Variants in CEP120 observed in about 807,000 individuals in gnomAD.
The protein encoded by CEP120 is centrosomal protein 120.
In CEP120, 113 loss-of-function variants were observed where a neutral mutation model predicts 126.5. That is an observed-to-expected ratio of 0.89 (90% CI 0.77 to 1.04). The LOEUF (loss-of-function observed/expected upper bound fraction) is 1.04. Among genes scored for constraint, CEP120 ranks in the 50% least tolerant of loss-of-function variants. The pLI is 0.00. For missense variants in CEP120, 1,230 were observed against 1,155.7 expected (o/e 1.06, Z -0.93); for synonymous variants, 400 against 394.3 (o/e 1.01, Z -0.17).
chr5:123,416,247 A>G (rs1343138544), intron 2 of CEP120, 123 bp from the exon 3 acceptor site: 4 of 637,566 alleles, frequency 6.3e-6, no homozygotes, highest in Non-Finnish European at 1.1e-5. Flanking sequence ...ACTATTTTAC[A>G]TTGTCTAAAA....
chr5:123,406,134 T>C (rs1349259973), intron 4 of CEP120, among the ~76,000 whole-genome samples: 2 of 150,588 alleles, frequency 1.3e-5, no homozygotes, highest in East Asian at 2.0e-4. Context: ...AGTATGACAA[T>C]AGGAGTTTCC....
intron 4 of CEP120, chr5:123,403,780 C>T (rs1239563895): frequency 2.6e-6 from 1 of 381,802 alleles, no homozygotes; most frequent in African/African-American, 2.2e-5. Flanking sequence ...ATCAGACAAA[C>T]TCAAGTCATG....
chr5:123,401,532 C>T (rs1025537786), intron 4 of CEP120: 16 of 1,300,196 alleles, frequency 1.2e-5, no homozygotes, highest in African/African-American at 7.2e-5. Flanking sequence ...CTGCGGTTGG[C>T]GATCTCCTCG....
At chr5:123,399,530 T>C (rs568649537) in intron 4 of CEP120, among the ~76,000 whole-genome samples, 2 of 152,182 alleles carry the variant, frequency 1.3e-5, no homozygotes, top group South Asian at 2.1e-4. Flanking sequence ...ATAAACCACA[T>C]AGAAAAGGCA....
At chr5:123,355,646 A>C (rs935151456) in intron 18 of CEP120, among the ~76,000 whole-genome samples, 10 of 151,468 alleles carry the variant, frequency 6.6e-5, no homozygotes, top group South Asian at 2.1e-4. Context: ...TTTTTCTTGT[A>C]AATTTGTTTG....
At chr5:123,356,553 T>G (rs533529071) in intron 18 of CEP120, among the ~76,000 whole-genome samples, 87 of 152,258 alleles carry the variant, frequency 5.7e-4, no homozygotes, top group African/African-American at 1.9e-3. Context: ...TTCCATCTTA[T>G]GATTTTCTAT....
At chr5:123,419,553 CA>C (rs566909063) in intron 1 of CEP120, among the ~76,000 whole-genome samples, 36 of 135,258 alleles carry the variant, frequency 2.7e-4, no homozygotes, top group Admixed American at 3.0e-4. Flanking sequence ...AAAACAAAAA[CA>C]AAAAAAAAAA....
At chr5:123,423,633 A>T (rs192546940), upstream of CEP120, 198 of 152,942 alleles carry the variant, frequency 1.3e-3, 2 homozygotes, top group Admixed American at 2.3e-3. Flanking sequence ...GCGTGAGTGT[A>T]GCGTATTACC....
intron 8 of CEP120, among the ~76,000 whole-genome samples, chr5:123,389,681 G>A (rs1772259582): frequency 6.6e-6 from 1 of 152,070 alleles, no homozygotes; most frequent in Non-Finnish European, 1.5e-5. Flanking sequence ...TGTATTTTTA[G>A]TAGAGACGGG....
chr5:123,378,372 C>T lies in CEP120; in HGVS notation c.2160G>A (p.Glu720=), dbSNP rs891338561. The T allele has an allele frequency of 6.2e-7, 1 of 1,608,044 alleles. No homozygotes were observed. The highest frequency in any genetic ancestry group is 8.5e-7 in the Non-Finnish European group (1 of 1,177,638). Residue 720 remains glutamate, a synonymous_variant, in exon 15 of 20, where the codon GAG becomes GAA. Transcript: ENST00000306467. ...CACTAGCAAGCTGCTGCTCTCGCTT[C>T]TCCAAGTCAATTAGAGTTTTTTGAA... ...GKLQKTLIDL[E]KREQQLASVE... is the part of the protein sequence containing the mutation.
chr5:123,382,548 T>C (rs1026829933), intron 13 of CEP120, among the ~76,000 whole-genome samples, 189 bp downstream of exon 13: 1 of 152,104 alleles, frequency 6.6e-6, no homozygotes, highest in African/African-American at 2.4e-5. Flanking sequence ...GAATTCTGAG[T>C]GGCTTCTGCC....
rs1327675928 is a variant in CEP120 at position 123,350,091 on chromosome 5, T to C, written c.2581-2A>G. The C allele has an allele frequency of 6.2e-7, 1 of 1,604,996 alleles. No individual in the cohort carries two copies. On this transcript the variant is annotated splice_acceptor_variant, in intron 18 of 19. Coordinates refer to ENST00000306467, the MANE Select transcript of CEP120 (RefSeq NM_001375405.1). LOFTEE classifies it high-confidence loss of function. ...AGCCATTTGACTTTCTTGCTCCCTC[T>C]TGAAAGAAACAAAGAAACAAGTCAT... is the stretch of plus-strand genomic sequence containing the variant.
rs779530369 is a variant in CEP120, at chr5:123,388,642, C to T, written c.1256-36G>A. ...CATAAAATAAAACAAAATAATCACA[C>T]TTGCTAACAGTTTCTCTTAAATTGT... On this transcript the variant is annotated intron_variant, in intron 8 of 19. Coordinates refer to ENST00000306467, the MANE Select transcript of CEP120 (RefSeq NM_001375405.1). The T allele has an allele frequency of 1.4e-5, 21 of 1,462,778 alleles. No individual in the cohort carries two copies. The African/African-American group carries it at 2.7e-4, about 19-fold the overall frequency. The allele number at this position is 1,462,778 out of a possible 1,614,324, so 90.6% of individuals were successfully genotyped here.
At chr5:123,359,381 A>T (rs888798175) in intron 18 of CEP120, among the ~76,000 whole-genome samples, 3 of 152,094 alleles carry the variant, frequency 2.0e-5, no homozygotes, top group African/African-American at 7.2e-5. Context: ...TTTAAAAAGT[A>T]GGTTTTATTC....
Position 123,349,867 on chromosome 5 carries a change from A to T in CEP120, c.2726+77T>A, listed in dbSNP as rs1465564913. 5 of 1,166,800 alleles carry T rather than the reference A, an allele frequency of 4.3e-6. No homozygotes were observed. The South Asian group carries it at 5.7e-5, about 13-fold the overall frequency. 72.3% of individuals were successfully genotyped at this position (1,166,800 alleles called of 1,614,324 possible). ...TATATTTTTATATATGATCTACTTT[A>T]TCCTTGGGAGACCTCAAGTTGTACC... On this transcript the variant is annotated intron_variant, in intron 19 of 19. Coordinates refer to ENST00000306467, the MANE Select transcript of CEP120 (RefSeq NM_001375405.1).
intron 18 of CEP120, among the ~76,000 whole-genome samples, chr5:123,355,315 T>A (rs980283886): frequency 6.6e-6 from 1 of 152,212 alleles, no homozygotes; most frequent in African/African-American, 2.4e-5. Context: ...AGGGGATGGC[T>A]GGGTCAAATG....
chr5:123,369,406 T>C (rs1562016818), intron 17 of CEP120, among the ~76,000 whole-genome samples: 1 of 152,152 alleles, frequency 6.6e-6, no homozygotes, highest in East Asian at 1.9e-4. Context: ...ACCAAGGTGA[T>C]GTGGCTCATA....
At chr5:123,401,774 C>T in intron 4 of CEP120, 3 of 1,236,852 alleles carry the variant, frequency 2.4e-6, no homozygotes. Context: ...CAAATTCATT[C>T]TCCATCTCTG....
intron 18 of CEP120, among the ~76,000 whole-genome samples, chr5:123,363,751 T>G (rs945020985): frequency 6.6e-6 from 1 of 151,398 alleles, no homozygotes; most frequent in African/African-American, 2.4e-5. Context: ...TGGAGACATA[T>G]TAAGAAAAAT....
Sources: allele counts gnomAD v4.1 joint callset (sites outside exome capture counted in the v4.1 genomes callset), GRCh38; gene constraint gnomAD v4.1.1; transcripts MANE v1.5; gene names NCBI Gene and HGNC (gene_info 2026-07-23, HGNC 2026-07-21).